The following NCAM1 variants were observed in gnomAD, a reference collection of about 807,000 sequenced individuals.
NCAM1 encodes neural cell adhesion molecule 1, also known as antigen recognized by monoclonal antibody 5.1H11.
A neutral mutation model predicts 109.8 loss-of-function variants in NCAM1; 14 were observed. The observed-to-expected ratio is 0.13, with a 90% CI of 0.08 to 0.20. The LOEUF is 0.20. Ranked by LOEUF, NCAM1 falls within the 10% of genes least tolerant of loss-of-function variation. The pLI is 1.00. For synonymous variants in NCAM1, 418 were observed against 442.9 expected, an observed-to-expected ratio of 0.94 and a Z score of 0.70; for missense variants, 774 against 1,109.9, an observed-to-expected ratio of 0.70 and a Z score of 4.30.
At chr11:112,972,339 G>A (rs1380760739) in intron 1 of NCAM1, among the ~76,000 whole-genome samples, 1 of 152,064 alleles carries the variant, frequency 6.6e-6, no homozygotes, top group Non-Finnish European at 1.5e-5. Flanking sequence ...AGTACTTTGC[G>A]GGGTTTTTAT....
rs148659848 is a variant in NCAM1 at position 112,969,362 on chromosome 11, G to A, written c.52+7698G>A. Among the ~76,000 whole-genome samples, 786 of 152,248 alleles carry A rather than the reference G, an allele frequency of 5.2e-3. 6 individuals are homozygous for A. The highest frequency in any genetic ancestry group is 0.018 in the African/African-American group (741 of 41,546). ...GGAGCTGGGACTGCAACTTACGTTC[G>A]TTGTCTGAATTTTATCCTTTTCTAA... is the stretch of plus-strand genomic sequence containing the variant. On this transcript the variant is annotated intron_variant, in intron 1 of 19. Transcript: ENST00000316851.
intron 1 of NCAM1, among the ~76,000 whole-genome samples, chr11:113,181,710 A>C (rs1943339701): frequency 1.3e-5 from 2 of 152,284 alleles, no homozygotes; most frequent in Admixed American, 1.3e-4. Flanking sequence ...GGGGGTGGTT[A>C]CTATGTGGTT....
intron 1 of NCAM1, among the ~76,000 whole-genome samples, chr11:113,121,746 C>G (rs1256437992): frequency 6.6e-6 from 1 of 152,100 alleles, no homozygotes; most frequent in Non-Finnish European, 1.5e-5. Flanking sequence ...AACTCAGAAA[C>G]TAGGAATGGA....
At chr11:113,261,550 A>C (rs1945999994) in intron 17 of NCAM1, among the ~76,000 whole-genome samples, 1 of 152,154 alleles carries the variant, frequency 6.6e-6, no homozygotes, top group Non-Finnish European at 1.5e-5. Flanking sequence ...TGGTCGGTGC[A>C]GAAGGCAAGG....
intron 8 of NCAM1, among the ~76,000 whole-genome samples, chr11:113,216,211 C>T (rs539634684): frequency 5.5e-4 from 80 of 144,308 alleles, no homozygotes; most frequent in African/African-American, 1.8e-3. Context: ...TGCAGTGGCG[C>T]GATCTCGGCT....
intron 1 of NCAM1, among the ~76,000 whole-genome samples, chr11:113,187,187 C>T (rs1385778681): frequency 6.6e-6 from 1 of 152,172 alleles, no homozygotes; most frequent in Non-Finnish European, 1.5e-5. Context: ...CAGATTTTTG[C>T]TCTGTGAGGA....
At chr11:113,069,982 C>T (rs1205928392) in intron 1 of NCAM1, among the ~76,000 whole-genome samples, 1 of 151,924 alleles carries the variant, frequency 6.6e-6, no homozygotes, top group East Asian at 1.9e-4. Flanking sequence ...GCAAAAAATG[C>T]AAATACGGCC....
chr11:112,969,796 T>C (rs782732510), intron 1 of NCAM1, among the ~76,000 whole-genome samples: 10 of 152,126 alleles, frequency 6.6e-5, no homozygotes, highest in Non-Finnish European at 1.5e-4. Context: ...AAAAACAAAA[T>C]AAATTTAAGG....
intron 1 of NCAM1, among the ~76,000 whole-genome samples, chr11:113,005,390 C>T (rs550509856): frequency 3.9e-5 from 6 of 152,302 alleles, no homozygotes; most frequent in African/African-American, 1.2e-4. Context: ...TTCTCACATC[C>T]ATAGGTCTTT....
intron 9 of NCAM1, 29 bp from the exon 10 acceptor site, chr11:113,231,616 C>A: frequency 1.2e-6 from 2 of 1,608,364 alleles, no homozygotes; most frequent in Non-Finnish European, 1.7e-6. Flanking sequence ...TGGGCTCTGA[C>A]ATGCTCCCTT....
chr11:112,989,896 T>G (rs1209219283), intron 1 of NCAM1, among the ~76,000 whole-genome samples: 1 of 152,242 alleles, frequency 6.6e-6, no homozygotes, highest in Non-Finnish European at 1.5e-5. Context: ...CAGTCAAGAT[T>G]TATCTTCAAT....
intron 17 of NCAM1, among the ~76,000 whole-genome samples, chr11:113,262,651 T>A (rs1389394509): frequency 6.6e-6 from 1 of 152,248 alleles, no homozygotes; most frequent in Non-Finnish European, 1.5e-5. Flanking sequence ...TTTTCTATAG[T>A]TGACCTAATT....
intron 1 of NCAM1, among the ~76,000 whole-genome samples, chr11:113,106,102 T>C (rs1413048029): frequency 6.6e-6 from 1 of 152,174 alleles, no homozygotes; most frequent in African/African-American, 2.4e-5. Context: ...CAAACAAATA[T>C]TATCTGAAAA....
At chr11:113,113,793 TTAGA>T (rs1940557674) in intron 1 of NCAM1, among the ~76,000 whole-genome samples, 1 of 152,240 alleles carries the variant, frequency 6.6e-6, no homozygotes, top group Non-Finnish European at 1.5e-5. Flanking sequence ...TTGATGTGTC[TTAGA>T]TAGATATTCT....
intron 9 of NCAM1, among the ~76,000 whole-genome samples, chr11:113,227,007 C>T (rs1288216711): frequency 6.6e-6 from 1 of 152,024 alleles, no homozygotes; most frequent in Non-Finnish European, 1.5e-5. Flanking sequence ...ACCCTAACAC[C>T]ACAATTAAAA....
At chr11:113,206,289 C>A in intron 5 of NCAM1, 109 bp downstream of exon 5, 12 of 1,135,518 alleles carry the variant, frequency 1.1e-5, no homozygotes, top group East Asian at 2.8e-5. Flanking sequence ...TGTCCTGACT[C>A]AATCATCCGT....
chr11:113,029,986 T>C (rs1055505968), intron 1 of NCAM1, among the ~76,000 whole-genome samples: 3 of 152,174 alleles, frequency 2.0e-5, no homozygotes, highest in Admixed American at 2.0e-4. Flanking sequence ...ACTAGTTGTG[T>C]GGCTGTAGAT....
At chr11:113,264,271 A>C (rs1449421843) in intron 17 of NCAM1, 1 of 985,168 alleles carries the variant, frequency 1.0e-6, no homozygotes, top group African/African-American at 1.7e-5. Flanking sequence ...TTTAATGTTC[A>C]AAGACTAGCC....
rs367765912 is a variant in NCAM1, at chr11:113,075,850, T to C, written c.52+114186T>C. On this transcript the variant is annotated intron_variant, in intron 1 of 19. Transcript: ENST00000316851. ...TTGTTAGGAATCACTAATGAAACAA[T>C]GTCAACTGCAAAGTGCTGTTTAAAT... Among the ~76,000 whole-genome samples, 9 of 152,338 alleles carry C rather than the reference T, an allele frequency of 5.9e-5. No individual in the cohort carries two copies. In the East Asian group the frequency reaches 1.5e-3, roughly 26 times the overall value.
Sources: allele counts gnomAD v4.1 joint callset (sites outside exome capture counted in the v4.1 genomes callset), GRCh38; gene constraint gnomAD v4.1.1; transcripts MANE v1.5; gene names NCBI Gene and HGNC (gene_info 2026-07-23, HGNC 2026-07-21).